LGR4: variants seen among roughly 807,000 people sequenced by gnomAD.
LGR4 encodes leucine rich repeat containing G protein-coupled receptor 4.
LGR4 carries 44 observed loss-of-function variants against 84.8 expected under a neutral mutation model. That is an observed-to-expected ratio of 0.52 (90% CI 0.41 to 0.67). The LOEUF (loss-of-function observed/expected upper bound fraction) is 0.67. Ranked by LOEUF, LGR4 falls within the 30% of genes least tolerant of loss-of-function variation. The pLI is 0.00. For synonymous variants in LGR4, 429 were observed against 434.3 expected (o/e 0.99, Z 0.15); for missense variants, 1,032 against 1,131.4 (o/e 0.91, Z 1.26).
At chr11:27,442,020 A>G (rs1438699970) in intron 1 of LGR4, among the ~76,000 whole-genome samples, 1 of 152,220 alleles carries the variant, frequency 6.6e-6, no homozygotes, top group East Asian at 1.9e-4. Context: ...ATGGGCAACA[A>G]TGAGGAGCGG....
chr11:27,425,156 AG>A (rs1863998926), intron 1 of LGR4, among the ~76,000 whole-genome samples: 1 of 152,198 alleles, frequency 6.6e-6, no homozygotes, highest in South Asian at 2.1e-4. Flanking sequence ...GTTGACAATC[AG>A]AAATAAAGTA....
intron 2 of LGR4, among the ~76,000 whole-genome samples, chr11:27,398,603 G>T (rs560505544): frequency 1.5e-4 from 23 of 152,270 alleles, no homozygotes; most frequent in Admixed American, 6.5e-4. Flanking sequence ...ACGTCGGGCA[G>T]AAAAAGCAGA....
chr11:27,414,064 T>C (rs1863764602), intron 1 of LGR4, among the ~76,000 whole-genome samples: 1 of 152,018 alleles, frequency 6.6e-6, no homozygotes, highest in Non-Finnish European at 1.5e-5. Context: ...TAAGATGCAG[T>C]GCATGCTTTT....
intron 1 of LGR4, among the ~76,000 whole-genome samples, chr11:27,450,123 T>C (rs1349031753): frequency 6.6e-6 from 1 of 152,212 alleles, no homozygotes; most frequent in Non-Finnish European, 1.5e-5. Flanking sequence ...CTATATGCTA[T>C]TGTTATTCTA....
intron 3 of LGR4, 96 bp from the exon 4 acceptor site, chr11:27,391,261 T>C: frequency 1.6e-6 from 1 of 621,648 alleles, no homozygotes; most frequent in Admixed American, 3.0e-5. Flanking sequence ...TCAAAAAATA[T>C]TTCCAATGGG....
intron 2 of LGR4, among the ~76,000 whole-genome samples, chr11:27,401,274 TA>T (rs1863497448): frequency 6.6e-6 from 1 of 152,234 alleles, no homozygotes; most frequent in African/African-American, 2.4e-5. Flanking sequence ...AGAACTCTTC[TA>T]CCTACTAAAG....
chr11:27,455,701 T>A (rs1191330618), intron 1 of LGR4, among the ~76,000 whole-genome samples: 7 of 152,164 alleles, frequency 4.6e-5, no homozygotes, highest in Admixed American at 2.6e-4. Flanking sequence ...AAGTTTCCGA[T>A]ACCTAAGACA....
At chr11:27,406,286 G>A (rs1863606861) in intron 2 of LGR4, among the ~76,000 whole-genome samples, 1 of 152,048 alleles carries the variant, frequency 6.6e-6, no homozygotes, top group African/African-American at 2.4e-5. Flanking sequence ...ATCCAGCACT[G>A]AACATAGTGG....
chr11:27,403,281 G>A (rs979583889), intron 2 of LGR4, among the ~76,000 whole-genome samples: 12 of 152,058 alleles, frequency 7.9e-5, no homozygotes, highest in Non-Finnish European at 1.6e-4. Context: ...GACCAGCCAG[G>A]GCAACCCCAT....
At chr11:27,423,678 G>A (rs1254619011) in intron 1 of LGR4, among the ~76,000 whole-genome samples, 2 of 152,224 alleles carry the variant, frequency 1.3e-5, no homozygotes, top group African/African-American at 2.4e-5. Flanking sequence ...TTATTCAGCA[G>A]AGAAGAGGCT....
At chr11:27,385,533 C>T in intron 4 of LGR4, 65 bp from the exon 5 acceptor site, 1 of 1,025,964 alleles carries the variant, frequency 9.7e-7, no homozygotes, top group Non-Finnish European at 1.4e-6. Context: ...GTTCAAGTCT[C>T]ACAACTCAAA....
chr11:27,435,176 A>T (rs1340985128), intron 1 of LGR4, among the ~76,000 whole-genome samples: 1 of 151,998 alleles, frequency 6.6e-6, no homozygotes, highest in East Asian at 2.0e-4. Flanking sequence ...GTCTACTAAA[A>T]ATACAAATTA....
rs546242816 is a variant in LGR4 at position 27,433,361 on chromosome 11, T to C, written c.186-20501A>G. Among the ~76,000 whole-genome samples the C allele has an allele frequency of 1.1e-3, 171 of 151,538 alleles. 1 individual carries two copies. Among genetic ancestry groups the C allele is most frequent in the African/African-American group, 3.8e-3 (157 of 41,362 alleles). On this transcript the variant is annotated intron_variant, in intron 1 of 17. Coordinates refer to ENST00000379214, the MANE Select transcript of LGR4 (RefSeq NM_018490.5). ...CCCAGTAGTTGGGACCACAGGCGCC[T>C]GCCACCATGCACGCCCGGCTAATTT...
chr11:27,429,029 A>G (rs1864071804), intron 1 of LGR4, among the ~76,000 whole-genome samples: 2 of 152,186 alleles, frequency 1.3e-5, no homozygotes, highest in South Asian at 4.1e-4. Flanking sequence ...TTGTAACTTC[A>G]AGCCTAGAAT....
rs779631815 is a variant in LGR4, at chr11:27,380,710, G to A, written c.832C>T (p.His278Tyr). The A allele has an allele frequency of 1.3e-6, 2 of 1,595,188 alleles. No individual in the cohort carries two copies. Among genetic ancestry groups the A allele is most frequent in the African/African-American group, 1.3e-5 (1 of 74,658 alleles). ...FDGNPLLRTIHLYDNPLSFVG... is the reference protein window; with the variant it reads ...FDGNPLLRTIYLYDNPLSFVG... ...AAAGACAGAGGATTATCATACAAAT[G>A]TCTGTGAAAATATCCAAAAAAAGTA... is the stretch of plus-strand genomic sequence containing the variant. The change falls in exon 9 of 18, where the codon CAT becomes TAT. Residue 278 changes from histidine to tyrosine, a missense_variant and splice_region_variant. Physicochemically the swap from His to Tyr is moderately conservative, Grantham distance 83. Transcript: ENST00000379214.
intron 12 of LGR4, among the ~76,000 whole-genome samples, chr11:27,376,764 T>C (rs1862991779): frequency 6.6e-6 from 1 of 152,186 alleles, no homozygotes; most frequent in Non-Finnish European, 1.5e-5. Flanking sequence ...GTTACAGGAC[T>C]ACATAGAGTT....
chr11:27,460,995 A>G (rs1864670109), intron 1 of LGR4, among the ~76,000 whole-genome samples: 1 of 152,148 alleles, frequency 6.6e-6, no homozygotes, highest in South Asian at 2.1e-4. Context: ...TGCATACGTT[A>G]GCTACTATTC....
chr11:27,373,908 T>A (rs982815783), intron 14 of LGR4, 67 bp downstream of exon 14: 25 of 1,178,184 alleles, frequency 2.1e-5, no homozygotes, highest in Non-Finnish European at 3.2e-5. Flanking sequence ...TTCGACAATG[T>A]TAAAACAGAT....
intron 11 of LGR4, among the ~76,000 whole-genome samples, chr11:27,378,366 A>T (rs1199031984): frequency 1.3e-5 from 2 of 152,194 alleles, no homozygotes; most frequent in Non-Finnish European, 2.9e-5. Flanking sequence ...TAGGCTGCAG[A>T]TGAAAGAAGG....
Sources: gnomAD v4.1 joint callset for allele counts (sites outside exome capture counted in the v4.1 genomes callset) on GRCh38, gnomAD v4.1.1 for gene constraint, MANE v1.5 for transcripts, NCBI Gene and HGNC (gene_info 2026-07-23, HGNC 2026-07-21) for gene names.